Variants in TRPM4 observed in about 807,000 individuals in gnomAD.
TRPM4 encodes transient receptor potential cation channel subfamily M member 4, also known as calcium-activated non-selective cation channel 1.
A neutral mutation model predicts 135.6 loss-of-function variants in TRPM4; 124 were observed. That is an observed-to-expected ratio of 0.91 (90% CI 0.79 to 1.06). The LOEUF is 1.06. TRPM4 is among the 50% of genes least tolerant of loss of function. TRPM4 has a pLI of 0.00. For synonymous variants in TRPM4, 745 were observed against 705.6 expected (o/e 1.06, Z -0.88); for missense variants, 1,658 against 1,671.4 (o/e 0.99, Z 0.14).
intron 3 of TRPM4, among the ~76,000 whole-genome samples, chr19:49,167,387 G>A (rs1232710495): frequency 1.7e-5 from 2 of 116,994 alleles, no homozygotes; most frequent in African/African-American, 3.5e-5. Flanking sequence ...CCGTCTCTCC[G>A]GGTCTCTGTT....
At chr19:49,192,417 A>G (rs1277784923) in intron 16 of TRPM4, among the ~76,000 whole-genome samples, 1 of 152,186 alleles carries the variant, frequency 6.6e-6, no homozygotes. Context: ...TGCTGGGATT[A>G]CAGGCATGAG....
At chr19:49,161,425 C>T (rs986571768) in intron 2 of TRPM4, among the ~76,000 whole-genome samples, 1 of 146,512 alleles carries the variant, frequency 6.8e-6, no homozygotes, top group Non-Finnish European at 1.5e-5. Flanking sequence ...TGGGCTCAAG[C>T]GATCCTCCCA....
chr19:49,157,824 G>C lies in TRPM4; in HGVS notation c.-43G>C, dbSNP rs1391314699. 36 of 1,533,380 alleles carry C rather than the reference G, an allele frequency of 2.3e-5. No homozygotes were observed. Among genetic ancestry groups the C allele is most frequent in the Non-Finnish European group, 3.1e-5 (35 of 1,145,680 alleles). 95.0% of individuals were successfully genotyped at this position (1,533,380 alleles called of 1,614,324 possible). On this transcript the variant is annotated 5_prime_UTR_variant, in exon 1 of 25. Transcript: ENST00000252826. ...TGGAAGCAGAGCCGGCGGAGGGAGC[G>C]CCGGGGCCCTGGGCTGCAGGAGGTT...
At chr19:49,165,928 CTG>C (rs1967153784) in intron 2 of TRPM4, 111 bp from the exon 3 acceptor site, 8 of 1,119,602 alleles carry the variant, frequency 7.1e-6, no homozygotes, top group Non-Finnish European at 1.0e-5. Flanking sequence ...CTGCCTGCCT[CTG>C]TGGGTGTGGA....
At chr19:49,187,507 G>A (rs537925671) in intron 12 of TRPM4, among the ~76,000 whole-genome samples, 69 of 151,238 alleles carry the variant, frequency 4.6e-4, no homozygotes, top group Admixed American at 2.2e-3. Context: ...ACCACGCCTG[G>A]CTAACTAAAA....
intron 16 of TRPM4, among the ~76,000 whole-genome samples, chr19:49,191,681 G>A (rs1968418695): frequency 6.6e-6 from 1 of 151,914 alleles, no homozygotes; most frequent in Non-Finnish European, 1.5e-5. Flanking sequence ...TGTACTTTTA[G>A]TAGTGACAGG....
Position 49,171,884 on chromosome 19 carries a change from G to A in TRPM4, c.1050+115G>A. The A allele has an allele frequency of 7.2e-7, 1 of 1,393,746 alleles. No individual in the cohort carries two copies. Among genetic ancestry groups the A allele is most frequent in the Non-Finnish European group, 1.0e-6 (1 of 990,904 alleles). 86.3% of individuals were successfully genotyped at this position (1,393,746 alleles called of 1,614,324 possible). On this transcript the variant is annotated intron_variant, in intron 8 of 24. Transcript: ENST00000252826. This position sits in a 1 kb window ranked among gnomAD's most constrained non-coding sequence, Gnocchi z 4.7. ...CCTGGACTTCCAGGTTCCGGGAGAA[G>A]AGGGTGCTGGGCATATAGACTATTA...
At chr19:49,183,242 C>T (rs1020624750) in intron 12 of TRPM4, 30 bp downstream of exon 12, 1 of 1,613,574 alleles carries the variant, frequency 6.2e-7, no homozygotes, top group Non-Finnish European at 8.5e-7. Flanking sequence ...TCCTGCATCC[C>T]TGTCCTTTAG....
In TRPM4 at chr19:49,196,615, C is replaced by CT; in HGVS notation, c.2390dup (p.Ser798LeufsTer161). On this transcript the variant is annotated frameshift_variant, in exon 17 of 25. Coordinates refer to ENST00000252826, the MANE Select transcript of TRPM4 (RefSeq NM_017636.4). LOFTEE classifies it high-confidence loss of function. ...GGTCAGCTACCTGCTGTTCCTGCTG[C>CT]TTTTCTCGCGGGTGCTGCTCGTGGA... 1 of 1,554,338 alleles carries CT rather than the reference C, an allele frequency of 6.4e-7. No homozygotes were observed. Among genetic ancestry groups the CT allele is most frequent in the Non-Finnish European group, 8.7e-7 (1 of 1,152,262 alleles).
chr19:49,184,571 C>T (rs1968126449), intron 12 of TRPM4, among the ~76,000 whole-genome samples: 1 of 148,556 alleles, frequency 6.7e-6, no homozygotes, highest in Admixed American at 6.8e-5. Flanking sequence ...CGCCATTCTC[C>T]TGCCTCCACG....
intron 12 of TRPM4, among the ~76,000 whole-genome samples, chr19:49,185,070 C>T (rs1968149839): frequency 6.6e-6 from 1 of 151,456 alleles, no homozygotes; most frequent in African/African-American, 2.4e-5. Context: ...TTCCTGGCTC[C>T]CTTTAGTTCT....
chr19:49,163,736 CCTT>C (rs779105393), intron 2 of TRPM4, among the ~76,000 whole-genome samples: 1 of 152,194 alleles, frequency 6.6e-6, no homozygotes, highest in Non-Finnish European at 1.5e-5. Flanking sequence ...CTCAAGCAGT[CCTT>C]CTGCCTTGAC....
chr19:49,209,996 A>G lies in TRPM4; in HGVS notation c.3132-213A>G, dbSNP rs8104946. Among the ~76,000 whole-genome samples the G allele has an allele frequency of 0.056, 8,452 of 151,796 alleles. 703 individuals are homozygous for G. Among genetic ancestry groups the G allele is most frequent in the African/African-American group, 0.17 (7,225 of 41,370 alleles). ...ACTCCTGACCTGAGGTGATCCGCCC[A>G]CTCCGGCCTCCCAAAGTGCTGGGAC... On this transcript the variant is annotated intron_variant, in intron 20 of 24. Coordinates refer to ENST00000252826, the MANE Select transcript of TRPM4 (RefSeq NM_017636.4).
chr19:49,191,660 T>C (rs1052641415), intron 16 of TRPM4, among the ~76,000 whole-genome samples: 2 of 151,962 alleles, frequency 1.3e-5, no homozygotes, highest in African/African-American at 4.8e-5. Context: ...CCACCACACC[T>C]GGCTAACTTT....
intron 16 of TRPM4, among the ~76,000 whole-genome samples, chr19:49,194,078 CCTCCTG>C (rs762345296): frequency 4.7e-5 from 7 of 150,440 alleles, no homozygotes; most frequent in African/African-American, 1.7e-4. Flanking sequence ...TCTTCATCCT[CCTCCTG>C]CTCCTGCTCC....
chr19:49,161,105 A>G (rs7245448), intron 2 of TRPM4, among the ~76,000 whole-genome samples: 5,107 of 151,816 alleles, frequency 0.034, 293 homozygotes, highest in African/African-American at 0.12. Flanking sequence ...GCATGTGGGG[A>G]CTGAGATTGG....
chr19:49,210,577 A>AG lies in TRPM4; in HGVS notation c.3329-129dup. 3 of 1,474,092 alleles carry AG rather than the reference A, an allele frequency of 2.0e-6. No homozygotes were observed. The highest frequency in any genetic ancestry group is 2.8e-6 in the Non-Finnish European group (3 of 1,068,160). 91.3% of individuals were successfully genotyped at this position (1,474,092 alleles called of 1,614,324 possible). On this transcript the variant is annotated intron_variant, in intron 21 of 24. Transcript: ENST00000252826. This position sits in a 1 kb window ranked among gnomAD's most constrained non-coding sequence, Gnocchi z 4.1. ...CACTGAGGGGCAGTGCTTACGGGTG[A>AG]GGGGCGGGGCATGTTCTCGAATCAC...
intron 20 of TRPM4, among the ~76,000 whole-genome samples, chr19:49,205,145 G>A (rs906905987): frequency 2.0e-5 from 3 of 151,926 alleles, no homozygotes; most frequent in African/African-American, 7.3e-5. Flanking sequence ...TCCTAGGGCC[G>A]CCAGAGTACC....
intron 12 of TRPM4, among the ~76,000 whole-genome samples, chr19:49,183,573 T>C (rs1182971562): frequency 6.6e-6 from 1 of 151,146 alleles, no homozygotes; most frequent in Non-Finnish European, 1.5e-5. Context: ...ATTTTTGTTT[T>C]GTTTTGTTTT....
Sources: allele counts gnomAD v4.1 joint callset (sites outside exome capture counted in the v4.1 genomes callset), GRCh38; gene constraint gnomAD v4.1.1; non-coding constraint Gnocchi (gnomAD v3.1); transcripts MANE v1.5; gene names NCBI Gene and HGNC (gene_info 2026-07-23, HGNC 2026-07-21).